OR56A3: variants seen among roughly 807,000 people sequenced by gnomAD.
OR56A3 encodes olfactory receptor family 56 subfamily A member 3, also known as olfactory receptor 56A3.
Under a neutral mutation model 17.5 loss-of-function variants are expected in OR56A3, and 23 were observed. The observed-to-expected ratio is 1.32, with a 90% CI of 0.95 to 1.87. The LOEUF (loss-of-function observed/expected upper bound fraction) is 1.87. Ranked by LOEUF, OR56A3 falls within the 40% of genes most tolerant of loss-of-function variation. The pLI, the probability that OR56A3 is intolerant of heterozygous loss-of-function variation, is 0.00. For missense variants in OR56A3, 366 were observed against 380.1 expected (o/e 0.96, Z 0.31); for synonymous variants, 175 against 150.6 (o/e 1.16, Z -1.19).
At chr11:5,962,843 T>G in the OR56A3 span, among the ~76,000 whole-genome samples, 79 of 152,212 alleles carry the variant, frequency 5.2e-4, no homozygotes, top group African/African-American at 1.9e-3. Flanking sequence ...GGCTTTTCTT[T>G]AGTGAGATAC....
chr11:5,998,125 G>A, the OR56A3 span, among the ~76,000 whole-genome samples: 2 of 152,184 alleles, frequency 1.3e-5, no homozygotes, highest in Non-Finnish European at 2.9e-5. Flanking sequence ...GATGACAATT[G>A]TGTTGCAGAC....
the OR56A3 span, among the ~76,000 whole-genome samples, chr11:5,971,289 A>T: frequency 6.6e-6 from 1 of 152,204 alleles, no homozygotes; most frequent in Non-Finnish European, 1.5e-5. Context: ...CAATCCACCA[A>T]GGCAGAAAAT....
the OR56A3 span, among the ~76,000 whole-genome samples, chr11:6,004,128 C>G: frequency 6.6e-6 from 1 of 152,082 alleles, no homozygotes; most frequent in African/African-American, 2.4e-5. Flanking sequence ...CCAAGGGAGG[C>G]AGATCATGAG....
the OR56A3 span, among the ~76,000 whole-genome samples, chr11:6,015,271 G>T: frequency 2.0e-5 from 3 of 152,192 alleles, no homozygotes; most frequent in Admixed American, 6.5e-5. Context: ...AGGGAAGAAC[G>T]GTTTTGTGAG....
chr11:6,000,110 T>C, the OR56A3 span: 2 of 152,248 alleles, frequency 1.3e-5, no homozygotes, highest in Non-Finnish European at 1.5e-5. Context: ...ATCCCATTAC[T>C]GGGTACATAC....
chr11:5,976,723 C>T, the OR56A3 span, among the ~76,000 whole-genome samples: 1 of 151,302 alleles, frequency 6.6e-6, no homozygotes, highest in African/African-American at 2.4e-5. Context: ...TTTTTTTTCA[C>T]CTTATATTTT....
At chr11:6,000,843 A>G in the OR56A3 span, 1 of 152,212 alleles carries the variant, frequency 6.6e-6, no homozygotes, top group African/African-American at 2.4e-5. Context: ...GCAGGTCTGT[A>G]ATAAAAAATG....
the OR56A3 span, among the ~76,000 whole-genome samples, chr11:5,979,221 T>C: frequency 6.6e-6 from 1 of 151,958 alleles, no homozygotes; most frequent in Non-Finnish European, 1.5e-5. Context: ...GGTATCAAAA[T>C]GATGCTGGCC....
At chr11:5,947,154 T>C (rs1436147213) in intron 2 of OR56A3, among the ~76,000 whole-genome samples, 157 bp from the exon 3 acceptor site, 2 of 152,182 alleles carry the variant, frequency 1.3e-5, no homozygotes, top group East Asian at 1.9e-4. Context: ...TTTAAAGTGA[T>C]AGGAATACCC....
At chr11:5,956,698 A>T in the OR56A3 span, among the ~76,000 whole-genome samples, 3 of 152,278 alleles carry the variant, frequency 2.0e-5, no homozygotes, top group African/African-American at 7.2e-5. Flanking sequence ...TCACAATCAC[A>T]GTATTGCTTC....
the OR56A3 span, among the ~76,000 whole-genome samples, chr11:5,987,407 C>T: frequency 6.6e-6 from 1 of 152,110 alleles, no homozygotes; most frequent in Admixed American, 6.5e-5. Flanking sequence ...CTATTCTGTG[C>T]ATTATCTCTT....
the OR56A3 span, among the ~76,000 whole-genome samples, chr11:6,014,210 A>C: frequency 6.6e-6 from 1 of 152,196 alleles, no homozygotes; most frequent in South Asian, 2.1e-4. Flanking sequence ...TAAGCCACTG[A>C]GAAAAAAACA....
chr11:5,963,455 G>A, the OR56A3 span, among the ~76,000 whole-genome samples: 1 of 151,546 alleles, frequency 6.6e-6, no homozygotes, highest in Non-Finnish European at 1.5e-5. Flanking sequence ...TAGTATTCCT[G>A]GTTGGCAGAT....
chr11:6,004,303 G>A, the OR56A3 span, among the ~76,000 whole-genome samples: 2 of 152,044 alleles, frequency 1.3e-5, no homozygotes, highest in Non-Finnish European at 2.9e-5. Context: ...GCAGTGAGCC[G>A]AGATCACGCC....
At chr11:5,982,433 T>A in the OR56A3 span, among the ~76,000 whole-genome samples, 2 of 151,784 alleles carry the variant, frequency 1.3e-5, no homozygotes, top group South Asian at 4.2e-4. Context: ...TTAGGTGGAG[T>A]CTGCTAGTGA....
chr11:5,995,826 T>G, the OR56A3 span, among the ~76,000 whole-genome samples: 1 of 152,240 alleles, frequency 6.6e-6, no homozygotes, highest in Admixed American at 6.5e-5. Flanking sequence ...GCAATAGATC[T>G]CTTGAACAGC....
the OR56A3 span, among the ~76,000 whole-genome samples, chr11:6,012,443 T>A: frequency 9.2e-5 from 14 of 152,300 alleles, no homozygotes; most frequent in South Asian, 2.9e-3. Flanking sequence ...GGGTAGCTCC[T>A]CAGCTGGTCA....
At chr11:5,969,619 T>C in the OR56A3 span, among the ~76,000 whole-genome samples, 9 of 152,244 alleles carry the variant, frequency 5.9e-5, no homozygotes, top group African/African-American at 2.2e-4. Flanking sequence ...CCTTCCTAAA[T>C]CCTTCCCATG....
the OR56A3 span, among the ~76,000 whole-genome samples, chr11:6,011,612 G>A: frequency 5.9e-5 from 9 of 152,128 alleles, no homozygotes; most frequent in Non-Finnish European, 1.0e-4. Flanking sequence ...GGGATCTTTG[G>A]GGTGTCGCTT....
Sources: gnomAD v4.1 joint callset for allele counts (sites outside exome capture counted in the v4.1 genomes callset) on GRCh38, gnomAD v4.1.1 for gene constraint, MANE v1.5 for transcripts, NCBI Gene and HGNC (gene_info 2026-07-23, HGNC 2026-07-21) for gene names.